CSMD1: variants seen among roughly 807,000 people sequenced by gnomAD.
The protein encoded by CSMD1 is CUB and Sushi multiple domains 1.
Under a neutral mutation model 417.5 loss-of-function variants are expected in CSMD1, and 213 were observed. The ratio of observed to expected loss-of-function variants is 0.51; its 90% confidence interval spans 0.46 to 0.57. The LOEUF (loss-of-function observed/expected upper bound fraction) is 0.57, where lower values mean the gene tolerates loss of function less well. CSMD1 is among the 20% of genes least tolerant of loss of function. The probability of loss-of-function intolerance (pLI) is 0.00; values close to 1 mark genes in which losing one functional copy is unlikely to be tolerated. For missense variants in CSMD1, 6,923 were observed against 4,529.7 expected, an observed-to-expected ratio of 1.53 and a Z score of -15.17; for synonymous variants, 2,862 against 1,736.8, an observed-to-expected ratio of 1.65 and a Z score of -16.11.
chr8:3,469,169 C>T, intron 11 of CSMD1: 1 of 193,924 alleles, frequency 5.2e-6, no homozygotes, highest in Non-Finnish European at 1.1e-5. Flanking sequence ...AAAAATATGG[C>T]ACAGTTGTTC....
At chr8:3,228,788 A>G (rs1291127266) in intron 27 of CSMD1, among the ~76,000 whole-genome samples, 1 of 152,144 alleles carries the variant, frequency 6.6e-6, no homozygotes, top group Non-Finnish European at 1.5e-5. Context: ...GAAGGAAAAA[A>G]AAAAACCCTT....
In CSMD1 at chr8:3,916,821, G is replaced by A. The variant is rs564887470; in HGVS notation, c.818+81082C>T. ...AGGCTGTGAAGATGGATTATGGGGG[G>A]TGGTCTTAGATTGCTGCAGGTTAGA... is the stretch of plus-strand genomic sequence containing the variant. On this transcript the variant is annotated intron_variant, in intron 5 of 69. Transcript: ENST00000635120. 8.5e-5 allele frequency among the ~76,000 whole-genome samples: 13 copies of A among 152,164 alleles called. No homozygotes were observed. The South Asian group carries it at 1.7e-3, about 19-fold the overall frequency.
chr8:3,022,898 A>G (rs1563248803), intron 51 of CSMD1, among the ~76,000 whole-genome samples: 1 of 152,228 alleles, frequency 6.6e-6, no homozygotes, highest in Non-Finnish European at 1.5e-5. Context: ...ATCACTGGAT[A>G]TAAGTCACAT....
intron 1 of CSMD1, among the ~76,000 whole-genome samples, chr8:4,810,008 T>G (rs1798803689): frequency 6.6e-6 from 1 of 152,228 alleles, no homozygotes; most frequent in African/African-American, 2.4e-5. Flanking sequence ...AGTGAATATA[T>G]GCCAAGTGCT....
At chr8:4,109,512 A>T (rs1410891496) in intron 3 of CSMD1, among the ~76,000 whole-genome samples, 2 of 152,286 alleles carry the variant, frequency 1.3e-5, no homozygotes, top group East Asian at 3.9e-4. Context: ...GAATAAGTAG[A>T]CTTATTGTCA....
intron 26 of CSMD1, among the ~76,000 whole-genome samples, chr8:3,262,920 C>G (rs1048471866): frequency 2.0e-5 from 3 of 152,114 alleles, no homozygotes; most frequent in African/African-American, 4.8e-5. Context: ...AGAGAAAACT[C>G]AGTAGGAATC....
chr8:3,681,361 G>A (rs1330267311), intron 7 of CSMD1, among the ~76,000 whole-genome samples: 1 of 152,092 alleles, frequency 6.6e-6, no homozygotes, highest in African/African-American at 2.4e-5. Flanking sequence ...CAAAATCAAT[G>A]TGCAAAAATC....
At chr8:3,890,924 G>C (rs868025547) in intron 5 of CSMD1, among the ~76,000 whole-genome samples, 3 of 152,136 alleles carry the variant, frequency 2.0e-5, no homozygotes, top group Non-Finnish European at 2.9e-5. Flanking sequence ...CTATGTGCTA[G>C]CTACTCTCTC....
chr8:3,902,120 A>G (rs1563193706), intron 5 of CSMD1, among the ~76,000 whole-genome samples: 1 of 152,190 alleles, frequency 6.6e-6, no homozygotes, highest in Non-Finnish European at 1.5e-5. Flanking sequence ...CTAAGCCTTA[A>G]TATGACAGAA....
At chr8:3,703,896 C>A (rs943236336) in intron 7 of CSMD1, among the ~76,000 whole-genome samples, 1 of 152,060 alleles carries the variant, frequency 6.6e-6, no homozygotes, top group Non-Finnish European at 1.5e-5. Flanking sequence ...TGGTGAAACC[C>A]CATCTCTACT....
chr8:3,355,501 A>G (rs1207298363), intron 21 of CSMD1, among the ~76,000 whole-genome samples: 1 of 152,160 alleles, frequency 6.6e-6, no homozygotes, highest in Non-Finnish European at 1.5e-5. Context: ...GGCCACAATG[A>G]CTGCTCAGGA....
chr8:3,245,711 A>G (rs759733217), intron 26 of CSMD1, among the ~76,000 whole-genome samples: 1 of 152,182 alleles, frequency 6.6e-6, no homozygotes, highest in Non-Finnish European at 1.5e-5. Context: ...ATATAAAACC[A>G]CAGCTACCAC....
At chr8:4,298,013 C>T (rs1000229656) in intron 3 of CSMD1, among the ~76,000 whole-genome samples, 1 of 152,106 alleles carries the variant, frequency 6.6e-6, no homozygotes, top group African/African-American at 2.4e-5. Context: ...CGCTTGTTTC[C>T]CTTCAATAAA....
intron 5 of CSMD1, among the ~76,000 whole-genome samples, chr8:3,900,077 A>G (rs1807625847): frequency 6.6e-6 from 1 of 151,734 alleles, no homozygotes; most frequent in Non-Finnish European, 1.5e-5. Flanking sequence ...TAGCTGGGTG[A>G]CAGTGCAGCT....
intron 69 of CSMD1, among the ~76,000 whole-genome samples, 163 bp downstream of exon 69, chr8:2,942,309 C>T (rs1225887014): frequency 1.3e-5 from 2 of 150,384 alleles, no homozygotes; most frequent in African/African-American, 2.5e-5. Flanking sequence ...ACATCCGGCA[C>T]GTGTACCCCG....
intron 5 of CSMD1, among the ~76,000 whole-genome samples, chr8:3,919,799 A>G (rs576622234): frequency 1.1e-4 from 17 of 152,156 alleles, no homozygotes; most frequent in Non-Finnish European, 2.1e-4. Flanking sequence ...TGTGTTTTCA[A>G]TTTTCTTCAT....
Position 4,326,518 on chromosome 8 carries a change from G to A in CSMD1, c.415+93435C>T, listed in dbSNP as rs551104296. Among the ~76,000 whole-genome samples the A allele has an allele frequency of 7.2e-5, 11 of 152,300 alleles. No individual in the cohort carries two copies. In the South Asian group the frequency reaches 1.9e-3, roughly 26 times the overall value. ...AGGAAAAAAGGTCCATAAACGAGAGGTAGTGCATAATGAGTAATCAAAGGT... is the reference window on the plus strand; with the variant it reads ...AGGAAAAAAGGTCCATAAACGAGAGATAGTGCATAATGAGTAATCAAAGGT... On this transcript the variant is annotated intron_variant, in intron 3 of 69. Coordinates refer to ENST00000635120, the MANE Select transcript of CSMD1 (RefSeq NM_033225.6).
Position 4,582,275 on chromosome 8 carries a change from C to A in CSMD1, c.302+55067G>T, listed in dbSNP as rs80185538. Among the ~76,000 whole-genome samples the A allele has an allele frequency of 3.2e-3, 483 of 152,272 alleles. 6 individuals carry two copies. Among genetic ancestry groups the A allele is most frequent in the East Asian group, 0.022 (116 of 5,162 alleles). ...CCTAAAAAATGGTCCCGGACATGAT[C>A]TTCCGGCTAAGATAAAACAGCTTGT... On this transcript the variant is annotated intron_variant, in intron 2 of 69. Transcript: ENST00000635120.
chr8:3,985,756 A>ATT (rs11288801), intron 5 of CSMD1, among the ~76,000 whole-genome samples: 163 of 142,432 alleles, frequency 1.1e-3, no homozygotes, highest in African/African-American at 3.9e-3. Context: ...TGTTAAAGTG[A>ATT]TTTTTTTTTT....
Sources: allele counts gnomAD v4.1 joint callset (sites outside exome capture counted in the v4.1 genomes callset), GRCh38; gene constraint gnomAD v4.1.1; transcripts MANE v1.5; gene names NCBI Gene and HGNC (gene_info 2026-07-23, HGNC 2026-07-21).